The following NOTCH2 variants were observed in gnomAD, a reference collection of about 807,000 sequenced individuals.
NOTCH2 encodes the protein notch receptor 2.
A neutral mutation model predicts 235.8 loss-of-function variants in NOTCH2; 29 were observed. That is an observed-to-expected ratio of 0.12 (90% CI 0.09 to 0.17). NOTCH2 has a LOEUF of 0.17. Ranked by LOEUF, NOTCH2 falls within the 10% of genes least tolerant of loss-of-function variation. NOTCH2 has a pLI of 1.00. For synonymous variants in NOTCH2, 1,086 were observed against 1,141.5 expected, an observed-to-expected ratio of 0.95 and a Z score of 0.98; for missense variants, 2,285 against 3,150.2, an observed-to-expected ratio of 0.73 and a Z score of 6.57.
chr1:119,973,974 G>A (rs1280682173), intron 5 of NOTCH2, among the ~76,000 whole-genome samples: 2 of 151,938 alleles, frequency 1.3e-5, no homozygotes, highest in African/African-American at 4.8e-5. Flanking sequence ...ACAAGTAAAG[G>A]AGGATGAGGA....
At chr1:119,937,169 A>G in intron 21 of NOTCH2, 113 bp downstream of exon 21, 2 of 1,111,478 alleles carry the variant, frequency 1.8e-6, no homozygotes, top group Non-Finnish European at 2.7e-6. Flanking sequence ...GATTGGTAAA[A>G]ATCTATAAAC....
At chr1:119,941,053 A>C (rs1160231594) in intron 18 of NOTCH2, among the ~76,000 whole-genome samples, 2 of 152,008 alleles carry the variant, frequency 1.3e-5, no homozygotes, top group Non-Finnish European at 2.9e-5. Flanking sequence ...ATCACATTTC[A>C]TTTTATCTCT....
intron 15 of NOTCH2, 132 bp from the exon 16 acceptor site, chr1:119,949,258 G>A (rs753675966): frequency 2.2e-6 from 2 of 914,096 alleles, no homozygotes; most frequent in Non-Finnish European, 3.5e-6. Context: ...AGAAGCCCAT[G>A]ATCTTTCCAG....
At chr1:120,025,426 A>G (rs1244778893) in intron 2 of NOTCH2, among the ~76,000 whole-genome samples, 3 of 152,058 alleles carry the variant, frequency 2.0e-5, no homozygotes, top group Non-Finnish European at 4.4e-5. Context: ...TAAGAACCCT[A>G]TCCCATGACT....
At chr1:119,942,680 C>T (rs1553196602) in intron 17 of NOTCH2, among the ~76,000 whole-genome samples, 1 of 152,086 alleles carries the variant, frequency 6.6e-6, no homozygotes, top group African/African-American at 2.4e-5. Context: ...TTATTTTAAA[C>T]TCATTGTAAA....
At chr1:120,039,032 TGTATA>T (rs1553212324) in intron 1 of NOTCH2, among the ~76,000 whole-genome samples, 1 of 148,094 alleles carries the variant, frequency 6.8e-6, no homozygotes, top group African/African-American at 2.6e-5. Flanking sequence ...GAAAATTCAT[TGTATA>T]GTATTATCTT....
intron 5 of NOTCH2, among the ~76,000 whole-genome samples, chr1:119,984,245 T>A (rs1226410463): frequency 6.6e-6 from 1 of 152,152 alleles, no homozygotes; most frequent in Non-Finnish European, 1.5e-5. Flanking sequence ...CCCCAAGTTC[T>A]TAAAATAAAA....
At position 119,937,481 on chromosome 1, in the gene NOTCH2, G is replaced by A; in HGVS notation, c.3338-15C>T. 3 of 1,611,068 alleles carry A rather than the reference G, an allele frequency of 1.9e-6. No individual in the cohort carries two copies. The highest frequency in any genetic ancestry group is 2.2e-5 in the East Asian group (1 of 44,860). ...AACAAGCACACCTGGGAAACCCAGT[G>A]AGGGAGAAATGTCATAGAAGAACAT... On this transcript the variant is annotated splice_polypyrimidine_tract_variant and intron_variant, in intron 20 of 33. Coordinates refer to ENST00000256646, the MANE Select transcript of NOTCH2 (RefSeq NM_024408.4).
intron 5 of NOTCH2, among the ~76,000 whole-genome samples, chr1:119,974,963 C>A (rs137912210): frequency 6.6e-6 from 1 of 152,194 alleles, no homozygotes; most frequent in Non-Finnish European, 1.5e-5. Flanking sequence ...AGTGGTGGAA[C>A]TGACCTTGGA....
At position 119,985,712 on chromosome 1, in the gene NOTCH2, A is replaced by G. The variant is rs587605613; in HGVS notation, c.874+1248T>C. On this transcript the variant is annotated intron_variant, in intron 5 of 33. Coordinates refer to ENST00000256646, the MANE Select transcript of NOTCH2 (RefSeq NM_024408.4). ...AAACACAAATTTTTCCAGTTACTAT[A>G]TGTCATGTAATTAACTTTACAGTAA... 9.8e-5 allele frequency among the ~76,000 whole-genome samples: 15 copies of G among 152,286 alleles called. No individual in the cohort carries two copies. In the South Asian group the frequency reaches 3.1e-3, roughly 32 times the overall value.
chr1:120,004,740 T>C (rs1257457202), intron 3 of NOTCH2, among the ~76,000 whole-genome samples: 1 of 152,174 alleles, frequency 6.6e-6, no homozygotes, highest in African/African-American at 2.4e-5. Context: ...ACTTATTTCT[T>C]TTAGTGAAGT....
chr1:119,965,648 C>A, intron 9 of NOTCH2, 82 bp from the exon 10 acceptor site: 1 of 978,096 alleles, frequency 1.0e-6, no homozygotes, highest in Non-Finnish European at 1.7e-6. Flanking sequence ...AGGTTACTAG[C>A]AGGGCTTATA....
At chr1:120,030,928 T>C (rs1395575801) in intron 1 of NOTCH2, among the ~76,000 whole-genome samples, 2 of 77,684 alleles carry the variant, frequency 2.6e-5, no homozygotes, top group African/African-American at 1.0e-4. Flanking sequence ...CCAAAATACA[T>C]ATCAAGAACC....
chr1:119,932,023 T>TAA (rs1157011795), intron 22 of NOTCH2, among the ~76,000 whole-genome samples: 1 of 147,640 alleles, frequency 6.8e-6, no homozygotes, highest in Non-Finnish European at 1.5e-5. Context: ...TATATATATA[T>TAA]AAACAAAGAA....
At position 119,929,349 on chromosome 1, in the gene NOTCH2, G is replaced by A. The variant is rs149287544; in HGVS notation, c.3656-137C>T. ...ACTGGTAGTGGGACCTTGTAGTTGGGCAGGGCAAAGCACACTCTTTATTCA... is the reference window on the plus strand; with the variant it reads ...ACTGGTAGTGGGACCTTGTAGTTGGACAGGGCAAAGCACACTCTTTATTCA... On this transcript the variant is annotated intron_variant, in intron 22 of 33. Coordinates refer to ENST00000256646, the MANE Select transcript of NOTCH2 (RefSeq NM_024408.4). 226 of 728,950 alleles carry A rather than the reference G, an allele frequency of 3.1e-4. 1 individual carries two copies. In the African/African-American group the frequency reaches 3.5e-3, roughly 11 times the overall value. 45.2% of individuals were successfully genotyped at this position (728,950 alleles called of 1,614,324 possible).
intron 5 of NOTCH2, among the ~76,000 whole-genome samples, chr1:119,971,197 T>C (rs1321359017): frequency 6.6e-6 from 1 of 152,218 alleles, no homozygotes; most frequent in Admixed American, 6.5e-5. Flanking sequence ...CTCCCACTAC[T>C]TGGCTGCAGT....
chr1:119,999,967 GA>G (rs1242675010), intron 3 of NOTCH2, among the ~76,000 whole-genome samples: 52 of 116,766 alleles, frequency 4.5e-4, no homozygotes, highest in East Asian at 3.2e-3. Flanking sequence ...AAGAAAGAAA[GA>G]AAGAAAGAAA....
intron 3 of NOTCH2, among the ~76,000 whole-genome samples, chr1:119,999,959 GAAAGA>G (rs1652664879): frequency 1.1e-4 from 14 of 129,446 alleles, no homozygotes; most frequent in African/African-American, 4.8e-4. Flanking sequence ...AAGAAAGAAA[GAAAGA>G]AAGAAAGAAA....
At chr1:119,967,749 ATT>A in intron 7 of NOTCH2, 128 bp from the exon 8 acceptor site, 2 of 828,758 alleles carry the variant, frequency 2.4e-6, no homozygotes, top group Non-Finnish European at 3.9e-6. Flanking sequence ...CCAATTTTCT[ATT>A]TTTTTTTCCT....
Sources: allele counts gnomAD v4.1 joint callset (sites outside exome capture counted in the v4.1 genomes callset), GRCh38; gene constraint gnomAD v4.1.1; transcripts MANE v1.5; gene names NCBI Gene and HGNC (gene_info 2026-07-23, HGNC 2026-07-21).